Variants in RPTOR observed in about 807,000 individuals in gnomAD.
RPTOR encodes regulatory-associated protein of mTOR.
Under a neutral mutation model 169.9 loss-of-function variants are expected in RPTOR, and 21 were observed. That is an observed-to-expected ratio of 0.12 (90% CI 0.09 to 0.18). The LOEUF is 0.18. RPTOR is among the 10% of genes least tolerant of loss of function. The probability of loss-of-function intolerance (pLI) is 1.00; values close to 1 mark genes in which losing one functional copy is unlikely to be tolerated. For missense variants in RPTOR, 1,133 were observed against 1,855.9 expected (o/e 0.61, Z 7.16); for synonymous variants, 732 against 753.2 (o/e 0.97, Z 0.46).
chr17:80,639,803 C>T (rs2065538325), intron 2 of RPTOR, among the ~76,000 whole-genome samples: 1 of 152,114 alleles, frequency 6.6e-6, no homozygotes, highest in Non-Finnish European at 1.5e-5. Context: ...TGGTGGAGTG[C>T]CAGCTCTTTG....
intron 7 of RPTOR, among the ~76,000 whole-genome samples, chr17:80,814,160 G>A (rs2067300954): frequency 6.6e-6 from 1 of 152,044 alleles, no homozygotes; most frequent in African/African-American, 2.4e-5. Flanking sequence ...TTTTTCATAA[G>A]ACAGTTTTGA....
At chr17:80,853,499 G>A (rs554767285) in intron 11 of RPTOR, among the ~76,000 whole-genome samples, 1 of 152,298 alleles carries the variant, frequency 6.6e-6, no homozygotes, top group African/African-American at 2.4e-5. Context: ...CATGAAGGAT[G>A]GGTGAGGTGG....
At chr17:80,951,491 G>A (rs892217896) in intron 28 of RPTOR, among the ~76,000 whole-genome samples, 2 of 152,252 alleles carry the variant, frequency 1.3e-5, no homozygotes, top group Admixed American at 6.5e-5. Flanking sequence ...CTCGCCAGAC[G>A]TAAGAGCTCC....
intron 1 of RPTOR, among the ~76,000 whole-genome samples, chr17:80,551,940 A>G (rs1030630475): frequency 5.9e-5 from 9 of 152,202 alleles, no homozygotes; most frequent in Non-Finnish European, 1.5e-5. Context: ...CTTAAGGAGC[A>G]TGCTGCCTTC....
intron 17 of RPTOR, among the ~76,000 whole-genome samples, chr17:80,887,820 G>GT (rs1308040467): frequency 6.6e-6 from 1 of 152,204 alleles, no homozygotes; most frequent in Non-Finnish European, 1.5e-5. Flanking sequence ...CTTGTTTAAT[G>GT]AGCTTACTTG....
chr17:80,755,880 G>A (rs1365984961), intron 6 of RPTOR, among the ~76,000 whole-genome samples: 2 of 152,160 alleles, frequency 1.3e-5, no homozygotes, highest in African/African-American at 4.8e-5. Context: ...GCCTGAAAGG[G>A]CCACTGTCCT....
intron 5 of RPTOR, among the ~76,000 whole-genome samples, chr17:80,744,567 ACGAGCACAGCC>A (rs2066544044): frequency 2.4e-5 from 2 of 82,310 alleles, no homozygotes; most frequent in Non-Finnish European, 5.3e-5. Context: ...TGTCCTGGTT[ACGAGCACAGCC>A]CTGGCTACTA....
intron 3 of RPTOR, among the ~76,000 whole-genome samples, chr17:80,665,846 C>A (rs965633413): frequency 3.3e-5 from 5 of 152,084 alleles, no homozygotes; most frequent in Non-Finnish European, 7.4e-5. Context: ...CCCGGCCCCC[C>A]AAAAATTTTT....
chr17:80,885,642 C>G (rs907637371), intron 17 of RPTOR, among the ~76,000 whole-genome samples: 1 of 152,316 alleles, frequency 6.6e-6, no homozygotes, highest in East Asian at 1.9e-4. Flanking sequence ...CTCCCGGGTT[C>G]ATGCCATCTC....
At chr17:80,645,404 T>A (rs1377146287) in intron 3 of RPTOR, among the ~76,000 whole-genome samples, 1 of 152,230 alleles carries the variant, frequency 6.6e-6, no homozygotes, top group Non-Finnish European at 1.5e-5. Context: ...TAAATTCAGA[T>A]CTACCAATTG....
intron 1 of RPTOR, among the ~76,000 whole-genome samples, chr17:80,615,943 G>A (rs1279071487): frequency 3.3e-5 from 5 of 152,060 alleles, no homozygotes; most frequent in East Asian, 1.9e-4. Flanking sequence ...CCTTTGGAAC[G>A]GCTTCATGAG....
chr17:80,922,586 C>T (rs1274450414), intron 21 of RPTOR, 138 bp from the exon 22 acceptor site: 2 of 708,412 alleles, frequency 2.8e-6, no homozygotes, highest in East Asian at 2.7e-5. Context: ...CTGGGGCCTT[C>T]CATTGGTGTT....
chr17:80,650,865 T>C (rs1025530784), intron 3 of RPTOR, among the ~76,000 whole-genome samples: 11 of 152,200 alleles, frequency 7.2e-5, no homozygotes, highest in African/African-American at 2.7e-4. Context: ...GATAACTGCA[T>C]TCCTGACTCT....
chr17:80,780,484 A>G (rs997505372), intron 6 of RPTOR, among the ~76,000 whole-genome samples: 1 of 152,154 alleles, frequency 6.6e-6, no homozygotes, highest in Non-Finnish European at 1.5e-5. Flanking sequence ...TCTGTCCTGA[A>G]AAACAGTTGC....
intron 1 of RPTOR, among the ~76,000 whole-genome samples, chr17:80,549,080 C>A (rs1036468399): frequency 3.3e-5 from 5 of 152,202 alleles, no homozygotes; most frequent in Non-Finnish European, 7.3e-5. Flanking sequence ...AGAGCTACAG[C>A]CCTTGCCCGC....
At position 80,844,195 on chromosome 17, in the gene RPTOR, C is replaced by T. The variant is rs576965664; in HGVS notation, c.1213-2278C>T. On this transcript the variant is annotated intron_variant, in intron 10 of 33. Coordinates refer to ENST00000306801, the MANE Select transcript of RPTOR (RefSeq NM_020761.3). This position sits in a 1 kb window ranked among gnomAD's most constrained non-coding sequence, Gnocchi z 4.7. The stretch of plus-strand genomic sequence containing the variant: ...ATATAAAGTGTTGGCCACTCTTCCG[C>T]AGGCGCTTGCTCTAATTCGTCAGCC... 1.1e-4 allele frequency among the ~76,000 whole-genome samples: 17 copies of T among 152,222 alleles called. No homozygotes were observed. Among genetic ancestry groups the T allele is most frequent in the Non-Finnish European group, 1.5e-4 (10 of 68,040 alleles).
chr17:80,716,397 T>C (rs986094944), intron 4 of RPTOR, among the ~76,000 whole-genome samples: 1 of 152,204 alleles, frequency 6.6e-6, no homozygotes, highest in Non-Finnish European at 1.5e-5. Flanking sequence ...TTCATGTCCT[T>C]AGCCCAATTT....
chr17:80,596,230 G>C (rs2065143733), intron 1 of RPTOR, among the ~76,000 whole-genome samples: 1 of 152,146 alleles, frequency 6.6e-6, no homozygotes, highest in Non-Finnish European at 1.5e-5. Flanking sequence ...GGTTGAGATT[G>C]GAACCAATAA....
At chr17:80,883,646 G>T in intron 15 of RPTOR, 135 bp from the exon 16 acceptor site, 1 of 1,217,502 alleles carries the variant, frequency 8.2e-7, no homozygotes, top group South Asian at 1.3e-5. Context: ...TGAATCAGAG[G>T]AATCTAAAAT....
Sources: allele counts gnomAD v4.1 joint callset (sites outside exome capture counted in the v4.1 genomes callset), GRCh38; gene constraint gnomAD v4.1.1; non-coding constraint Gnocchi (gnomAD v3.1); transcripts MANE v1.5; gene names NCBI Gene and HGNC (gene_info 2026-07-23, HGNC 2026-07-21).